MEI4: variants seen among roughly 807,000 people sequenced by gnomAD.
MEI4 encodes meiosis-specific protein MEI4.
Under a neutral mutation model 31.4 loss-of-function variants are expected in MEI4, and 27 were observed. That is an observed-to-expected ratio of 0.86 (90% CI 0.63 to 1.19). The LOEUF is 1.19. Ranked by LOEUF, MEI4 falls within the 50% of genes most tolerant of loss-of-function variation. The probability of loss-of-function intolerance (pLI) is 0.00; values close to 1 mark genes in which losing one functional copy is unlikely to be tolerated. For synonymous variants in MEI4, 122 were observed against 145.4 expected, an observed-to-expected ratio of 0.84 and a Z score of 1.16; for missense variants, 329 against 398.9, an observed-to-expected ratio of 0.82 and a Z score of 1.49.
At chr6:77,817,238 T>G (rs1769710345) in intron 3 of MEI4, among the ~76,000 whole-genome samples, 1 of 152,142 alleles carries the variant, frequency 6.6e-6, no homozygotes, top group African/African-American at 2.4e-5. Context: ...AAGCAGAAAC[T>G]TGGTTGAACT....
intron 3 of MEI4, among the ~76,000 whole-genome samples, chr6:77,806,798 A>G (rs1161747284): frequency 6.6e-6 from 1 of 152,154 alleles, no homozygotes; most frequent in Admixed American, 6.5e-5. Context: ...TTGGCAAACT[A>G]TGCTATTGGG....
chr6:77,840,927 C>T (rs1770341075), intron 4 of MEI4, among the ~76,000 whole-genome samples: 1 of 152,006 alleles, frequency 6.6e-6, no homozygotes, highest in South Asian at 2.1e-4. Context: ...TAAAAATATC[C>T]TTCAGAATAA....
chr6:77,823,151 A>G (rs1292375425), intron 3 of MEI4, among the ~76,000 whole-genome samples: 1 of 152,058 alleles, frequency 6.6e-6, no homozygotes, highest in Non-Finnish European at 1.5e-5. Flanking sequence ...ATCTTAACAC[A>G]TTTAATTATT....
chr6:77,701,845 G>A (rs904873806), intron 2 of MEI4, among the ~76,000 whole-genome samples: 3 of 152,124 alleles, frequency 2.0e-5, no homozygotes, highest in Non-Finnish European at 4.4e-5. Context: ...AGGGCAGTAT[G>A]CAGAGCAGTG....
At chr6:77,828,571 A>G (rs1399627420) in intron 3 of MEI4, among the ~76,000 whole-genome samples, 1 of 152,046 alleles carries the variant, frequency 6.6e-6, no homozygotes, top group African/African-American at 2.4e-5. Flanking sequence ...ATGATAGATG[A>G]CCTATCTATC....
chr6:77,892,121 G>C (rs1404851705), intron 4 of MEI4, among the ~76,000 whole-genome samples: 1 of 152,162 alleles, frequency 6.6e-6, no homozygotes, highest in African/African-American at 2.4e-5. Context: ...GCAGTGGTGG[G>C]CTTGGTGGAC....
At chr6:77,843,403 A>C (rs1485210689) in intron 4 of MEI4, among the ~76,000 whole-genome samples, 3 of 152,014 alleles carry the variant, frequency 2.0e-5, no homozygotes, top group African/African-American at 7.2e-5. Flanking sequence ...AATCCCAGTG[A>C]TTTTGGCAAA....
intron 3 of MEI4, among the ~76,000 whole-genome samples, chr6:77,765,334 T>C (rs1454871668): frequency 1.3e-5 from 2 of 151,906 alleles, no homozygotes; most frequent in African/African-American, 4.9e-5. Flanking sequence ...GAATTGAAAA[T>C]AAGATAATGA....
chr6:77,707,470 G>A (rs1000304633), intron 2 of MEI4, among the ~76,000 whole-genome samples: 1 of 152,192 alleles, frequency 6.6e-6, no homozygotes, highest in Non-Finnish European at 1.5e-5. Context: ...TACAAATTTG[G>A]AAAATTCTCA....
At chr6:77,896,709 C>T (rs1766091257) in intron 4 of MEI4, among the ~76,000 whole-genome samples, 1 of 151,876 alleles carries the variant, frequency 6.6e-6, no homozygotes, top group Non-Finnish European at 1.5e-5. Flanking sequence ...TAGTACCATC[C>T]TTCTATGCAA....
intron 3 of MEI4, among the ~76,000 whole-genome samples, chr6:77,766,830 TTTTAA>T: frequency 6.6e-6 from 1 of 152,336 alleles, no homozygotes; most frequent in East Asian, 1.9e-4. Flanking sequence ...TATGTTGACT[TTTTAA>T]TTTAATTCTA....
rs768606733 is a variant in MEI4, at chr6:77,918,753, C to A, written c.901-4336C>A. 6.9e-4 allele frequency among the ~76,000 whole-genome samples: 102 copies of A among 147,780 alleles called. 1 individual carries two copies. Among genetic ancestry groups the A allele is most frequent in the Non-Finnish European group, 1.3e-3 (86 of 66,640 alleles). On this transcript the variant is annotated intron_variant, in intron 4 of 4. Coordinates refer to ENST00000684080, the MANE Select transcript of MEI4 (RefSeq NM_001322247.2). ...ACTTCCTCTTTTCCTAATTGAATAC[C>A]CTTTATTTCCTTCTCCTGCCTAATT... is the stretch of plus-strand genomic sequence containing the variant.
At chr6:77,732,498 A>T (rs1189412444) in intron 2 of MEI4, among the ~76,000 whole-genome samples, 3 of 151,950 alleles carry the variant, frequency 2.0e-5, no homozygotes, top group African/African-American at 2.4e-5. Context: ...GACTTTGCTG[A>T]AGTTGCTTAT....
rs9448171 is a variant in MEI4, at chr6:77,698,763, A to G, written c.232+7860A>G. 6.9e-3 allele frequency among the ~76,000 whole-genome samples: 1,052 copies of G among 152,172 alleles called. 13 individuals carry two copies. Among genetic ancestry groups the G allele is most frequent in the African/African-American group, 0.024 (990 of 41,500 alleles). On this transcript the variant is annotated intron_variant, in intron 2 of 4. Transcript: ENST00000684080. Reference sequence around the variant, plus strand: ...TATGTGTCTTGGAGTTGCTCTTCTCAAGGAGTATCTTTGTGACATTTTCTG... The same window carrying G: ...TATGTGTCTTGGAGTTGCTCTTCTCGAGGAGTATCTTTGTGACATTTTCTG...
chr6:77,800,682 G>T (rs1434253385), intron 3 of MEI4, among the ~76,000 whole-genome samples: 3 of 151,844 alleles, frequency 2.0e-5, no homozygotes, highest in African/African-American at 7.2e-5. Context: ...ACCTAATTTA[G>T]TCAGAATTTT....
chr6:77,755,451 C>T (rs904661700), intron 2 of MEI4, among the ~76,000 whole-genome samples: 2 of 151,782 alleles, frequency 1.3e-5, no homozygotes, highest in South Asian at 2.1e-4. Context: ...CAGAGTCTCA[C>T]TGTGTCACCC....
intron 3 of MEI4, among the ~76,000 whole-genome samples, chr6:77,792,290 T>C (rs1371653790): frequency 2.0e-5 from 3 of 152,124 alleles, no homozygotes; most frequent in Non-Finnish European, 4.4e-5. Flanking sequence ...AAAATACTCA[T>C]TTATTTATTT....
intron 3 of MEI4, among the ~76,000 whole-genome samples, chr6:77,772,424 A>T (rs1768340628): frequency 6.6e-6 from 1 of 152,064 alleles, no homozygotes; most frequent in Non-Finnish European, 1.5e-5. Flanking sequence ...TACACAAATC[A>T]ATCAATGTGA....
At chr6:77,680,096 C>T (rs1768924966) in intron 1 of MEI4, among the ~76,000 whole-genome samples, 3 of 44,872 alleles carry the variant, frequency 6.7e-5, no homozygotes, top group South Asian at 1.3e-3. Flanking sequence ...ACGGTGAAAC[C>T]CCGTCCCTAC....
Sources: allele counts gnomAD v4.1 joint callset (sites outside exome capture counted in the v4.1 genomes callset), GRCh38; gene constraint gnomAD v4.1.1; transcripts MANE v1.5; gene names NCBI Gene and HGNC (gene_info 2026-07-23, HGNC 2026-07-21).